TRPC5: variants seen among roughly 807,000 people sequenced by gnomAD.
TRPC5 encodes short transient receptor potential channel 5.
In TRPC5, 9 loss-of-function variants were observed where a neutral mutation model predicts 56.5. The ratio of observed to expected loss-of-function variants is 0.16; its 90% CI spans 0.10 to 0.28. The LOEUF is 0.28. Among genes scored for constraint, TRPC5 ranks in the 10% least tolerant of loss-of-function variants. The pLI is 1.00. For synonymous variants in TRPC5, 282 were observed against 278.5 expected, an observed-to-expected ratio of 1.01 and a Z score of -0.13; for missense variants, 469 against 748.9, an observed-to-expected ratio of 0.63 and a Z score of 4.36.
intron 2 of TRPC5, among the ~76,000 whole-genome samples, chrX:111,944,131 GC>G (rs1336906070): frequency 9.0e-6 from 1 of 111,064 alleles, no homozygotes; most frequent in African/African-American, 3.3e-5. Flanking sequence ...TCTGTGACTT[GC>G]CCAAGGTCAC....
In TRPC5 at chrX:111,952,066, TG is replaced by T; in HGVS notation, c.354del (p.Tyr118Ter). 1 of 1,210,343 alleles carries T rather than the reference TG, an allele frequency of 8.3e-7. No homozygotes were observed. Among genetic ancestry groups the T allele is most frequent in the African/African-American group, 1.7e-5 (1 of 57,848 alleles). On this transcript the variant is annotated frameshift_variant, in exon 2 of 11. Coordinates refer to ENST00000262839, the MANE Select transcript of TRPC5 (RefSeq NM_012471.3). LOFTEE classifies it high-confidence loss of function. ...VVGAVELLLS[Y>X]RRPSGEKQVP... The stretch of plus-strand genomic sequence containing the variant: ...ACCTGCTTCTCTCCGCTGGGCCGCC[TG>T]TAGCTGAGCAGAAGCTCCACAGCGC...
intron 1 of TRPC5, among the ~76,000 whole-genome samples, chrX:111,957,913 C>T (rs991722984): frequency 3.6e-5 from 4 of 111,797 alleles, no homozygotes; most frequent in Admixed American, 9.5e-5. Context: ...AAGTATTCAA[C>T]TTTAAGTGTT....
chrX:112,023,056 T>C (rs111601801), intron 1 of TRPC5, among the ~76,000 whole-genome samples: 2,314 of 109,307 alleles, frequency 0.021, 73 homozygotes, highest in African/African-American at 0.072. Context: ...TGCCTCAGCC[T>C]CCCGAGTAGC....
intron 1 of TRPC5, among the ~76,000 whole-genome samples, chrX:112,041,311 T>A (rs1250491642): frequency 8.9e-6 from 1 of 111,939 alleles, no homozygotes; most frequent in African/African-American, 3.2e-5. Flanking sequence ...AGCATTAGAA[T>A]TATAGTTACC....
chrX:111,842,132 G>GTATATATATATATTATATA (rs1406226710), intron 6 of TRPC5, among the ~76,000 whole-genome samples: 2 of 77,195 alleles, frequency 2.6e-5, no homozygotes, highest in Admixed American at 1.3e-4. Context: ...ATATATATAT[G>GTATATATATATATTATATA]TATATATATA....
chrX:111,949,014 T>C (rs1927005354), intron 2 of TRPC5, among the ~76,000 whole-genome samples: 1 of 111,983 alleles, frequency 8.9e-6, no homozygotes, highest in African/African-American at 3.2e-5. Flanking sequence ...ACTTTTCATG[T>C]ATTTGTCTGA....
Position 112,023,840 on chromosome X carries a change from ACT to A in TRPC5, c.-22+58037_-22+58038del, listed in dbSNP as rs370002638. On this transcript the variant is annotated intron_variant, in intron 1 of 10. Transcript: ENST00000262839. ...TATCCTCATATATTTGCTACTCCAAACTCTGCCCAAACCCCAGCAGAGGGAAA... is the reference window on the plus strand; with the variant it reads ...TATCCTCATATATTTGCTACTCCAAACTGCCCAAACCCCAGCAGAGGGAAA... Among the ~76,000 whole-genome samples the A allele has an allele frequency of 3.5e-3, 386 of 111,069 alleles. 4 individuals are homozygous for A. The highest frequency in any genetic ancestry group is 0.012 in the African/African-American group (366 of 30,504).
chrX:111,857,263 T>A (rs185102787), intron 3 of TRPC5, among the ~76,000 whole-genome samples: 1 of 111,581 alleles, frequency 9.0e-6, no homozygotes, highest in Non-Finnish European at 1.9e-5. Context: ...TTGAACAAAA[T>A]GATGGTGACT....
intron 7 of TRPC5, among the ~76,000 whole-genome samples, chrX:111,808,704 C>T (rs1921602315): frequency 9.1e-6 from 1 of 109,560 alleles, no homozygotes; most frequent in African/African-American, 3.3e-5. Flanking sequence ...CTCCTTTTCT[C>T]AAGCAGAAGG....
At chrX:111,897,502 A>G (rs1350767652) in intron 3 of TRPC5, among the ~76,000 whole-genome samples, 1 of 111,219 alleles carries the variant, frequency 9.0e-6, no homozygotes, top group Non-Finnish European at 1.9e-5. Flanking sequence ...GATCATTACC[A>G]TCACTCTAGA....
intron 3 of TRPC5, among the ~76,000 whole-genome samples, chrX:111,876,649 A>T (rs1466040301): frequency 9.0e-6 from 1 of 111,413 alleles, no homozygotes; most frequent in African/African-American, 3.3e-5. Context: ...GTTTAATATG[A>T]CTTCCAGATG....
chrX:111,824,135 G>T (rs1421676288), intron 7 of TRPC5, among the ~76,000 whole-genome samples: 1 of 108,883 alleles, frequency 9.2e-6, no homozygotes, highest in African/African-American at 3.4e-5. Context: ...GAAAGCTGAG[G>T]CTGGAGGATT....
chrX:112,050,438 A>C lies in TRPC5; in HGVS notation c.-22+31441T>G, dbSNP rs373052211. 5.3e-5 allele frequency among the ~76,000 whole-genome samples: 6 copies of C among 112,476 alleles called. No homozygotes were observed. The East Asian group carries it at 1.4e-3, about 26-fold the overall frequency. On this transcript the variant is annotated intron_variant, in intron 1 of 10. Coordinates refer to ENST00000262839, the MANE Select transcript of TRPC5 (RefSeq NM_012471.3). The stretch of plus-strand genomic sequence containing the variant: ...AGTATTGGTTTGATGAAAGCCAAAC[A>C]TATAGGTTTGTGTAAATGTGTGTGT...
chrX:111,776,951 C>G lies in TRPC5; in HGVS notation c.2284G>C (p.Gly762Arg). 1 of 1,178,290 alleles carries G rather than the reference C, an allele frequency of 8.5e-7. No homozygotes were observed. Among genetic ancestry groups the G allele is most frequent in the Non-Finnish European group, 1.1e-6 (1 of 878,847 alleles). Reference sequence around the variant, plus strand: ...AAGCTCCTTGGATGTTTTCTATTTCCCAAGAGGTCAAGCACTTCATACCGA... The same window carrying G: ...AAGCTCCTTGGATGTTTTCTATTTCGCAAGAGGTCAAGCACTTCATACCGA... ...SFRYEVLDLL[G>R]NRKHPRSFST... is the part of the protein sequence containing the mutation. Residue 762 changes from glycine (G) to arginine (R), a missense_variant, in exon 11 of 11, where the codon GGA becomes CGA. Around this residue, in one of 3 missense-constraint regions of TRPC5, gnomAD observed 194 missense variants for 221.8 expected, o/e 0.87. Transcript: ENST00000262839.
chrX:112,017,248 C>T (rs1254426368), intron 1 of TRPC5, among the ~76,000 whole-genome samples: 1 of 110,967 alleles, frequency 9.0e-6, no homozygotes, highest in African/African-American at 3.3e-5. Flanking sequence ...CTCTTGACCT[C>T]GTGATCCGCC....
rs1384838828 is a variant in TRPC5 at position 111,835,014 on chromosome X, T to C, written c.1803A>G (p.Gly601=). ...CATTGTATGTTCCAAACATGGTAGCTCCTACAAACTCGGTGAATTCGTGTC... is the reference window on the plus strand; with the variant it reads ...CATTGTATGTTCCAAACATGGTAGCCCCTACAAACTCGGTGAATTCGTGTC... ...KARHEFTEFV[G]ATMFGTYNVI... The change falls in exon 7 of 11, where the codon GGA becomes GGG. Residue 601 remains glycine, a synonymous_variant. Coordinates refer to ENST00000262839, the MANE Select transcript of TRPC5 (RefSeq NM_012471.3). The C allele has an allele frequency of 8.3e-7, 1 of 1,210,793 alleles. No homozygotes were observed. The highest frequency in any genetic ancestry group is 1.1e-6 in the Non-Finnish European group (1 of 894,582).
At chrX:111,917,773 T>A (rs1282164509) in intron 2 of TRPC5, among the ~76,000 whole-genome samples, 2 of 112,614 alleles carry the variant, frequency 1.8e-5, no homozygotes, top group East Asian at 5.6e-4. Flanking sequence ...AGCCCCAGTT[T>A]CCAGGGCAAC....
chrX:111,919,489 G>A (rs1026394992), intron 2 of TRPC5, among the ~76,000 whole-genome samples: 1 of 112,024 alleles, frequency 8.9e-6, no homozygotes, highest in Non-Finnish European at 1.9e-5. Flanking sequence ...CTCCATTATT[G>A]AAGTCAGTGA....
intron 1 of TRPC5, among the ~76,000 whole-genome samples, chrX:112,029,731 T>A (rs1460232122): frequency 9.0e-6 from 1 of 111,673 alleles, no homozygotes; most frequent in Non-Finnish European, 1.9e-5. Flanking sequence ...TGAGACAGAA[T>A]AATAGGTAGC....
Sources: allele counts gnomAD v4.1 joint callset (sites outside exome capture counted in the v4.1 genomes callset), GRCh38; gene constraint gnomAD v4.1.1; regional missense constraint gnomAD v4.1.1; transcripts MANE v1.5; gene names NCBI Gene and HGNC (gene_info 2026-07-23, HGNC 2026-07-21).